Variants in AGBL1 observed in about 807,000 individuals in gnomAD.
AGBL1 encodes the protein cytosolic carboxypeptidase 4.
A neutral mutation model predicts 118.9 loss-of-function variants in AGBL1; 130 were observed. The observed-to-expected ratio is 1.09, with a 90% CI of 0.95 to 1.26. The LOEUF (loss-of-function observed/expected upper bound fraction) is 1.26, where lower values mean the gene tolerates loss of function less well. AGBL1 is among the 50% of genes most tolerant of loss of function. The pLI, the probability that AGBL1 is intolerant of heterozygous loss-of-function variation, is 0.00. For synonymous variants in AGBL1, 555 were observed against 478.9 expected, an observed-to-expected ratio of 1.16 and a Z score of -2.08; for missense variants, 1,584 against 1,298.1, an observed-to-expected ratio of 1.22 and a Z score of -3.38.
At chr15:86,811,088 C>A (rs578112456) in intron 22 of AGBL1, among the ~76,000 whole-genome samples, 14 of 152,256 alleles carry the variant, frequency 9.2e-5, no homozygotes, top group Admixed American at 3.9e-4. Flanking sequence ...ATCATTCTTG[C>A]CCCATTTATT....
chr15:86,636,857 T>G (rs1031905512), intron 21 of AGBL1, among the ~76,000 whole-genome samples: 3 of 149,676 alleles, frequency 2.0e-5, no homozygotes, highest in Non-Finnish European at 4.5e-5. Flanking sequence ...CACAATTCAA[T>G]TGTTTCATCC....
chr15:86,903,748 C>A (rs1196878669), intron 22 of AGBL1, among the ~76,000 whole-genome samples: 1 of 152,160 alleles, frequency 6.6e-6, no homozygotes, highest in Non-Finnish European at 1.5e-5. Context: ...GGAGGGGCTC[C>A]TTGCTACTGC....
intron 22 of AGBL1, among the ~76,000 whole-genome samples, chr15:86,869,206 G>A (rs2141498412): frequency 6.6e-6 from 1 of 152,256 alleles, no homozygotes; most frequent in East Asian, 1.9e-4. Flanking sequence ...AGGTGTGTCA[G>A]GGGAAAAGCT....
At chr15:86,199,577 C>G (rs2077870917) in intron 5 of AGBL1, among the ~76,000 whole-genome samples, 1 of 152,120 alleles carries the variant, frequency 6.6e-6, no homozygotes, top group Non-Finnish European at 1.5e-5. Context: ...TTTAGGGGAC[C>G]AAGTACTTTG....
At position 86,196,879 on chromosome 15, in the gene AGBL1, G is replaced by GCGCGCGCACACA. The variant is rs756313941; in HGVS notation, c.489-28034_489-28033insGCGCGCACACAC. On this transcript the variant is annotated intron_variant, in intron 5 of 22. Transcript: ENST00000614907. The stretch of plus-strand genomic sequence containing the variant: ...CGAATGTGCACATGTGCGCGCGCGC[G>GCGCGCGCACACA]CACACACACACACACACACACACAC... 8.2e-3 allele frequency among the ~76,000 whole-genome samples: 956 copies of GCGCGCGCACACA among 116,912 alleles called. 12 individuals are homozygous for GCGCGCGCACACA. The highest frequency in any genetic ancestry group is 0.022 in the African/African-American group (613 of 27,590). The allele number at this position is 116,912 out of a possible 152,430, so 76.7% of individuals were successfully genotyped here. A position where few individuals can be genotyped will look rare whatever the true frequency, so the allele number is the denominator to read the frequency against.
At chr15:86,382,869 TC>T (rs2081130950) in intron 17 of AGBL1, among the ~76,000 whole-genome samples, 1 of 151,962 alleles carries the variant, frequency 6.6e-6, no homozygotes, top group Non-Finnish European at 1.5e-5. Context: ...TTTGCTGACT[TC>T]CCCCATTCCT....
intron 22 of AGBL1, among the ~76,000 whole-genome samples, chr15:86,878,638 T>G (rs1029285404): frequency 2.0e-5 from 3 of 152,190 alleles, no homozygotes; most frequent in African/African-American, 7.2e-5. Flanking sequence ...CACCACATTG[T>G]AATGTAATCA....
At chr15:86,174,353 C>A (rs770922687) in intron 5 of AGBL1, among the ~76,000 whole-genome samples, 1 of 151,674 alleles carries the variant, frequency 6.6e-6, no homozygotes, top group Non-Finnish European at 1.5e-5. Flanking sequence ...TTGGTGTAGT[C>A]TTGGTTTTTC....
intron 18 of AGBL1, among the ~76,000 whole-genome samples, chr15:86,432,666 A>G (rs1178421090): frequency 2.0e-5 from 3 of 152,182 alleles, no homozygotes; most frequent in Non-Finnish European, 4.4e-5. Context: ...TTTTTCACTT[A>G]AATAATATCA....
chr15:86,300,192 C>G (rs1434002742), intron 17 of AGBL1, among the ~76,000 whole-genome samples: 7 of 152,176 alleles, frequency 4.6e-5, no homozygotes, highest in Admixed American at 4.6e-4. Context: ...GAACACACTA[C>G]TTAGTGAAGG....
At chr15:86,497,720 T>A (rs1457785651) in intron 18 of AGBL1, among the ~76,000 whole-genome samples, 1 of 151,920 alleles carries the variant, frequency 6.6e-6, no homozygotes, top group Non-Finnish European at 1.5e-5. Context: ...ATGCAGACTT[T>A]CAAACAATCC....
chr15:86,112,593 C>G (rs1344977254), intron 1 of AGBL1, among the ~76,000 whole-genome samples: 1 of 152,162 alleles, frequency 6.6e-6, no homozygotes, highest in African/African-American at 2.4e-5. Context: ...GTCTCCATCC[C>G]TTGGGAATAA....
At chr15:86,190,417 A>G (rs1196036985) in intron 5 of AGBL1, among the ~76,000 whole-genome samples, 1 of 152,178 alleles carries the variant, frequency 6.6e-6, no homozygotes, top group Admixed American at 6.5e-5. Flanking sequence ...GTAATAATAT[A>G]TGATTTCAAG....
At chr15:86,542,848 C>T (rs775963394) in intron 19 of AGBL1, among the ~76,000 whole-genome samples, 6 of 152,146 alleles carry the variant, frequency 3.9e-5, no homozygotes, top group Non-Finnish European at 5.9e-5. Context: ...CTCTAGCATT[C>T]TTTTGTTTTG....
At chr15:86,994,161 G>A (rs987822029) in intron 24 of AGBL1, among the ~76,000 whole-genome samples, 3 of 152,052 alleles carry the variant, frequency 2.0e-5, no homozygotes, top group Admixed American at 6.6e-5. Flanking sequence ...GAGTTTTGAT[G>A]GGAAATTTGT....
At chr15:86,159,860 A>G (rs1055271841) in intron 5 of AGBL1, among the ~76,000 whole-genome samples, 4 of 152,058 alleles carry the variant, frequency 2.6e-5, no homozygotes, top group East Asian at 3.9e-4. Context: ...TTGGGTCACT[A>G]CAGTTATGCC....
At chr15:86,438,114 G>C (rs183341880) in intron 18 of AGBL1, among the ~76,000 whole-genome samples, 1 of 151,948 alleles carries the variant, frequency 6.6e-6, no homozygotes, top group Non-Finnish European at 1.5e-5. Flanking sequence ...CACCATGTTC[G>C]TCAGGTTGGT....
At chr15:86,095,740 G>C (rs376548727) in intron 1 of AGBL1, among the ~76,000 whole-genome samples, 14 of 149,846 alleles carry the variant, frequency 9.3e-5, no homozygotes, top group African/African-American at 2.5e-4. Context: ...TCTGTGGTTG[G>C]GGGGATAATT....
At position 86,867,314 on chromosome 15, in the gene AGBL1, A is replaced by G. The variant is rs78550126; in HGVS notation, c.3159-39773A>G. Among the ~76,000 whole-genome samples, 18 of 152,066 alleles carry G rather than the reference A, an allele frequency of 1.2e-4. No homozygotes were observed. The East Asian group carries it at 1.7e-3, about 15-fold the overall frequency. On this transcript the variant is annotated intron_variant, in intron 22 of 22. Transcript: ENST00000614907. ...CCACACTTGATGTGCTGGTACTTCAATTTTCCTTTTGCCAAGAGTTGACAT... is the reference window on the plus strand; with the variant it reads ...CCACACTTGATGTGCTGGTACTTCAGTTTTCCTTTTGCCAAGAGTTGACAT...
Sources: allele counts gnomAD v4.1 joint callset (sites outside exome capture counted in the v4.1 genomes callset), GRCh38; gene constraint gnomAD v4.1.1; transcripts MANE v1.5; gene names NCBI Gene and HGNC (gene_info 2026-07-23, HGNC 2026-07-21).